The following PDS5B variants were observed in gnomAD, a reference collection of about 807,000 sequenced individuals.
PDS5B encodes sister chromatid cohesion protein PDS5 homolog B.
In PDS5B, 51 loss-of-function variants were observed where a neutral mutation model predicts 184.1. That is an observed-to-expected ratio of 0.28 (90% CI 0.22 to 0.35). The LOEUF is 0.35. PDS5B is among the 10% of genes least tolerant of loss of function. The pLI is 1.00. For missense variants in PDS5B, 1,180 were observed against 1,723.3 expected (o/e 0.68, Z 5.58); for synonymous variants, 566 against 569.2 (o/e 0.99, Z 0.08).
chr13:32,592,764 G>A (rs1028318226), intron 1 of PDS5B, among the ~76,000 whole-genome samples: 1 of 152,138 alleles, frequency 6.6e-6, no homozygotes, highest in African/African-American at 2.4e-5. Context: ...AGGATGTGAT[G>A]CTTGATAAGT....
chr13:32,654,378 G>A (rs1333140609), intron 3 of PDS5B, among the ~76,000 whole-genome samples: 1 of 152,134 alleles, frequency 6.6e-6, no homozygotes, highest in Admixed American at 6.5e-5. Flanking sequence ...GCAGTAATTG[G>A]TGAGGTTATA....
chr13:32,696,220 C>T (rs1274907087), intron 14 of PDS5B, among the ~76,000 whole-genome samples: 2 of 152,044 alleles, frequency 1.3e-5, no homozygotes, highest in African/African-American at 4.8e-5. Context: ...TTTAAATACA[C>T]TTGCTCAATG....
chr13:32,742,446 C>T lies in PDS5B; in HGVS notation c.2476-145C>T, dbSNP rs1188415930. The stretch of plus-strand genomic sequence containing the variant: ...ATGTTTGAAACATCTTTAAAACATT[C>T]GAGATTATCTTCATATATACAGAAA... On this transcript the variant is annotated intron_variant, in intron 22 of 34. Transcript: ENST00000315596. The T allele has an allele frequency of 4.4e-5, 27 of 609,220 alleles. No individual in the cohort carries two copies. The East Asian group carries it at 7.6e-4, about 17-fold the overall frequency. The allele number at this position is 609,220 out of a possible 1,614,324, so 37.7% of individuals were successfully genotyped here. A position where few individuals can be genotyped will look rare whatever the true frequency, so the allele number is the denominator to read the frequency against.
At position 32,776,807 on chromosome 13, in the gene PDS5B, T is replaced by C. The variant is rs1406922850; in HGVS notation, c.*1755T>C. 6.6e-6 allele frequency: 1 copy of C among 152,486 alleles called. No individual in the cohort carries two copies. Among genetic ancestry groups the C allele is most frequent in the Non-Finnish European group, 1.5e-5 (1 of 67,928 alleles). 9.4% of individuals were successfully genotyped at this position (152,486 alleles called of 1,614,324 possible). A position where few individuals can be genotyped will look rare whatever the true frequency, so the allele number is the denominator to read the frequency against. Reference sequence around the variant, plus strand: ...TGTGATTATTTTTCTTTTAAAGATTTGTTTGTGTTTATGAAACAGCCATTT... The same window carrying C: ...TGTGATTATTTTTCTTTTAAAGATTCGTTTGTGTTTATGAAACAGCCATTT... On this transcript the variant is annotated 3_prime_UTR_variant, in exon 35 of 35. Coordinates refer to ENST00000315596, the MANE Select transcript of PDS5B (RefSeq NM_015032.4).
At chr13:32,749,278 A>G (rs1009522761) in intron 24 of PDS5B, among the ~76,000 whole-genome samples, 2 of 152,118 alleles carry the variant, frequency 1.3e-5, no homozygotes, top group African/African-American at 4.8e-5. Context: ...TCTGCAAGTC[A>G]GTGCTCAGAC....
intron 1 of PDS5B, among the ~76,000 whole-genome samples, chr13:32,620,284 C>T (rs1046544535): frequency 6.6e-6 from 1 of 152,110 alleles, no homozygotes; most frequent in South Asian, 2.1e-4. Flanking sequence ...AATAATGAGA[C>T]TGTGGTTTCT....
Position 32,669,656 on chromosome 13 carries a change from C to T in PDS5B, c.705+1812C>T, listed in dbSNP as rs551035828. On this transcript the variant is annotated intron_variant, in intron 7 of 34. Transcript: ENST00000315596. ...TTGTTCTTGCTTGCAGAAATAGAAT[C>T]CTTCCCCCATGAACTCCCCAAACTT... 2.6e-5 allele frequency among the ~76,000 whole-genome samples: 4 copies of T among 152,220 alleles called. No homozygotes were observed. The East Asian group carries it at 5.8e-4, about 22-fold the overall frequency.
In PDS5B at chr13:32,673,299, C is replaced by T; in HGVS notation, c.789C>T (p.Tyr263=). The T allele has an allele frequency of 6.2e-7, 1 of 1,612,732 alleles. No homozygotes were observed. Among genetic ancestry groups the T allele is most frequent in the Non-Finnish European group, 8.5e-7 (1 of 1,179,062 alleles). Residue 263 remains tyrosine, a synonymous_variant, in exon 8 of 35, where the codon TAC becomes TAT. Transcript: ENST00000315596. ...EHVFDLILEL[Y]NIDSHLLLSV... ...TCTTTGACTTAATTTTGGAGCTCTA[C>T]AATATTGATAGTCATTTGCTGCTCT...
rs1953293205 is a variant in PDS5B at position 32,735,347 on chromosome 13, A to G, written c.2406+17A>G. 2 of 1,575,968 alleles carry G rather than the reference A, an allele frequency of 1.3e-6. No individual in the cohort carries two copies. Among genetic ancestry groups the G allele is most frequent in the Non-Finnish European group, 1.7e-6 (2 of 1,152,704 alleles). ...AATGATCGGGTAATTTATATTTTTT[A>G]GATTCATGTTCTTTGTAATGTTAAC... On this transcript the variant is annotated intron_variant, in intron 21 of 34. Coordinates refer to ENST00000315596, the MANE Select transcript of PDS5B (RefSeq NM_015032.4).
chr13:32,742,808 TTTTC>T, intron 23 of PDS5B, 81 bp downstream of exon 23: 4 of 1,254,772 alleles, frequency 3.2e-6, no homozygotes, highest in Non-Finnish European at 4.5e-6. Context: ...TGCTGTTTCT[TTTTC>T]TTTTTTTTTT....
At chr13:32,674,953 T>C (rs1334462176) in intron 8 of PDS5B, among the ~76,000 whole-genome samples, 1 of 151,910 alleles carries the variant, frequency 6.6e-6, no homozygotes, top group Non-Finnish European at 1.5e-5. Flanking sequence ...TATTTTAATT[T>C]TTTTTTTTTA....
chr13:32,632,185 T>C (rs1484252022), intron 1 of PDS5B, among the ~76,000 whole-genome samples: 3 of 152,128 alleles, frequency 2.0e-5, no homozygotes, highest in African/African-American at 7.2e-5. Flanking sequence ...TATATTGGAC[T>C]TTATAAAAAT....
intron 30 of PDS5B, 131 bp from the exon 31 acceptor site, chr13:32,764,358 G>A (rs1049297905): frequency 9.3e-6 from 4 of 429,518 alleles, no homozygotes; most frequent in Non-Finnish European, 1.7e-5. Context: ...ACCAAATATG[G>A]TAGAATGAAA....
At chr13:32,703,217 TAGAA>T (rs974784527) in intron 17 of PDS5B, among the ~76,000 whole-genome samples, 26 of 152,184 alleles carry the variant, frequency 1.7e-4, no homozygotes, top group African/African-American at 5.8e-4. Flanking sequence ...TCAGATTGTA[TAGAA>T]AGAAGTAAAA....
At chr13:32,645,250 T>C (rs1950188733) in intron 1 of PDS5B, among the ~76,000 whole-genome samples, 1 of 152,228 alleles carries the variant, frequency 6.6e-6, no homozygotes, top group African/African-American at 2.4e-5. Context: ...TCCAAAGTGC[T>C]GGGATCACAG....
At chr13:32,620,613 T>C (rs995262171) in intron 1 of PDS5B, among the ~76,000 whole-genome samples, 24 of 146,730 alleles carry the variant, frequency 1.6e-4, no homozygotes, top group Non-Finnish European at 1.5e-5. Context: ...GCCGAGATTG[T>C]GCCACTGCAC....
chr13:32,610,734 G>C (rs1187207088), intron 1 of PDS5B, among the ~76,000 whole-genome samples: 4 of 151,496 alleles, frequency 2.6e-5, no homozygotes, highest in African/African-American at 9.7e-5. Context: ...CTTACTAGTT[G>C]TTCATCCTTG....
chr13:32,649,041 G>C, intron 2 of PDS5B, 161 bp downstream of exon 2: 1 of 566,502 alleles, frequency 1.8e-6, no homozygotes, highest in Non-Finnish European at 3.1e-6. Context: ...ATAAGGTACA[G>C]TGGGGATTAT....
chr13:32,605,282 T>C (rs2058042123), intron 1 of PDS5B, among the ~76,000 whole-genome samples: 1 of 152,216 alleles, frequency 6.6e-6, no homozygotes, highest in Admixed American at 6.5e-5. Context: ...TTTGTTCTCA[T>C]TGGTTTCAGA....
Sources: gnomAD v4.1 joint callset for allele counts (sites outside exome capture counted in the v4.1 genomes callset) on GRCh38, gnomAD v4.1.1 for gene constraint, MANE v1.5 for transcripts, NCBI Gene and HGNC (gene_info 2026-07-23, HGNC 2026-07-21) for gene names.